Variants in CADPS2 observed in about 807,000 individuals in gnomAD.
CADPS2 encodes the protein calcium-dependent secretion activator 2.
In CADPS2, 93 loss-of-function variants were observed where a neutral mutation model predicts 172.5. The ratio of observed to expected loss-of-function variants is 0.54; its 90% confidence interval spans 0.46 to 0.64. The LOEUF (loss-of-function observed/expected upper bound fraction) is 0.64. Ranked by LOEUF, CADPS2 falls within the 30% of genes least tolerant of loss-of-function variation. CADPS2 has a pLI of 0.00. For missense variants in CADPS2, 1,420 were observed against 1,565.9 expected (o/e 0.91, Z 1.57); for synonymous variants, 546 against 555.2 (o/e 0.98, Z 0.23).
intron 7 of CADPS2, among the ~76,000 whole-genome samples, chr7:122,561,206 T>C (rs557284711): frequency 1.3e-5 from 2 of 152,270 alleles, no homozygotes; most frequent in South Asian, 4.1e-4. Flanking sequence ...ATTGAGTTCT[T>C]TTATTTTCAA....
At chr7:122,360,679 C>A (rs2040007568) in intron 27 of CADPS2, 109 bp downstream of exon 27, 1 of 940,658 alleles carries the variant, frequency 1.1e-6, no homozygotes, top group Admixed American at 2.7e-5. Flanking sequence ...ATAAACTACT[C>A]CCTAAGGGAA....
intron 7 of CADPS2, among the ~76,000 whole-genome samples, chr7:122,561,741 T>A (rs1173566204): frequency 6.6e-6 from 1 of 152,186 alleles, no homozygotes; most frequent in Non-Finnish European, 1.5e-5. Flanking sequence ...TGCATCCTGA[T>A]GTTCTGATAC....
Position 122,621,662 on chromosome 7 carries a change from T to C in CADPS2, c.923A>G (p.Glu308Gly). Residue 308 changes from glutamate to glycine, a missense_variant, in exon 5 of 30, where the codon GAG becomes GGG. Coordinates refer to ENST00000449022, the MANE Select transcript of CADPS2 (RefSeq NM_017954.11). ...AKDMENMYIE[E>G]LRSSVNLLMA... Reference sequence around the variant, plus strand: ...TAGCAAATTCACTGAAGACCGCAACTCTTCTATATACATATTCTCCATATC... The same window carrying C: ...TAGCAAATTCACTGAAGACCGCAACCCTTCTATATACATATTCTCCATATC... 1 of 1,613,580 alleles carries C rather than the reference T, an allele frequency of 6.2e-7. No individual in the cohort carries two copies. The highest frequency in any genetic ancestry group is 8.5e-7 in the Non-Finnish European group (1 of 1,179,540).
intron 8 of CADPS2, among the ~76,000 whole-genome samples, chr7:122,516,274 C>A (rs1263214272): frequency 5.3e-5 from 8 of 152,090 alleles, no homozygotes; most frequent in Non-Finnish European, 1.0e-4. Context: ...GTGGCTCATG[C>A]CTGTAGTCCC....
At chr7:122,794,764 A>C (rs1229092378) in intron 1 of CADPS2, among the ~76,000 whole-genome samples, 1 of 151,948 alleles carries the variant, frequency 6.6e-6, no homozygotes, top group African/African-American at 2.4e-5. Flanking sequence ...AAAAAAAAAA[A>C]AAACCCTTTC....
At chr7:122,829,916 T>C (rs1019827919) in intron 1 of CADPS2, among the ~76,000 whole-genome samples, 1 of 152,128 alleles carries the variant, frequency 6.6e-6, no homozygotes, top group Non-Finnish European at 1.5e-5. Flanking sequence ...TTTCCAAACA[T>C]TGTGATGTCC....
At chr7:122,649,904 T>TTTTTTTG (rs2078967128) in intron 3 of CADPS2, among the ~76,000 whole-genome samples, 1 of 116,366 alleles carries the variant, frequency 8.6e-6, no homozygotes, top group Non-Finnish European at 1.8e-5. Flanking sequence ...AATGATTTTT[T>TTTTTTTG]TTTTTTTTTT....
At chr7:122,346,227 G>T (rs2037636101) in intron 27 of CADPS2, among the ~76,000 whole-genome samples, 1 of 152,054 alleles carries the variant, frequency 6.6e-6, no homozygotes. Flanking sequence ...AAATAGCTGG[G>T]AGTGGTGTTG....
intron 19 of CADPS2, 34 bp from the exon 20 acceptor site, chr7:122,407,730 A>C: frequency 6.4e-7 from 1 of 1,569,198 alleles, no homozygotes; most frequent in Non-Finnish European, 8.7e-7. Context: ...GGAGAAAAGT[A>C]GATTACTTTT....
At chr7:122,436,426 CT>C in intron 17 of CADPS2, 1 of 1,190,074 alleles carries the variant, frequency 8.4e-7, no homozygotes, top group Non-Finnish European at 1.1e-6. Context: ...AAACTCTACC[CT>C]TGTCGTTCAT....
chr7:122,525,232 G>A (rs1236937220), intron 8 of CADPS2, among the ~76,000 whole-genome samples: 3 of 152,132 alleles, frequency 2.0e-5, no homozygotes, highest in African/African-American at 7.2e-5. Context: ...TCTTCTTCTA[G>A]TATGTTGCTC....
intron 1 of CADPS2, among the ~76,000 whole-genome samples, chr7:122,862,805 TAAATA>T (rs1481970408): frequency 1.3e-5 from 2 of 151,864 alleles, no homozygotes; most frequent in African/African-American, 4.8e-5. Flanking sequence ...CAATTCCAAA[TAAATA>T]AATACATGAT....
intron 1 of CADPS2, among the ~76,000 whole-genome samples, chr7:122,831,530 T>C (rs1370134680): frequency 6.6e-6 from 1 of 152,246 alleles, no homozygotes; most frequent in Admixed American, 6.5e-5. Context: ...AATGGGGAAG[T>C]ACTTCAATAA....
intron 4 of CADPS2, among the ~76,000 whole-genome samples, chr7:122,626,940 T>C (rs1037053156): frequency 3.9e-5 from 6 of 152,220 alleles, no homozygotes; most frequent in African/African-American, 1.4e-4. Flanking sequence ...AAAGTCAACA[T>C]GTCTCTTGAA....
intron 25 of CADPS2, among the ~76,000 whole-genome samples, chr7:122,375,466 A>G (rs2042231123): frequency 6.6e-6 from 1 of 152,200 alleles, no homozygotes; most frequent in Non-Finnish European, 1.5e-5. Context: ...GATCTTTGAC[A>G]AGAGTGTCAA....
chr7:122,771,834 C>G (rs975928373), intron 1 of CADPS2, among the ~76,000 whole-genome samples: 5 of 152,132 alleles, frequency 3.3e-5, no homozygotes. Context: ...ACAGTCCAAG[C>G]TGGAAATAAC....
Position 122,438,329 on chromosome 7 carries a change from C to A in CADPS2, c.2476+12G>T. Reference sequence around the variant, plus strand: ...TCTCACTGCCACTTCGACAATTGCTCACTGCACTGACCTTCTATTTTGGCA... The same window carrying A: ...TCTCACTGCCACTTCGACAATTGCTAACTGCACTGACCTTCTATTTTGGCA... On this transcript the variant is annotated intron_variant, in intron 17 of 29. Transcript: ENST00000449022. The A allele has an allele frequency of 6.2e-7, 1 of 1,612,576 alleles. No homozygotes were observed. The highest frequency in any genetic ancestry group is 1.1e-5 in the South Asian group (1 of 91,028).
intron 5 of CADPS2, among the ~76,000 whole-genome samples, chr7:122,619,249 C>A (rs770289283): frequency 1.8e-4 from 28 of 151,954 alleles, no homozygotes; most frequent in Non-Finnish European, 2.8e-4. Context: ...ACTTTTAGTT[C>A]TGAATGTTTA....
chr7:122,567,864 AG>A (rs1394797429), intron 7 of CADPS2, among the ~76,000 whole-genome samples: 2 of 152,304 alleles, frequency 1.3e-5, no homozygotes, highest in South Asian at 2.1e-4. Context: ...ACCTAAAAAA[AG>A]CAGAAGAGGA....
Sources: gnomAD v4.1 joint callset for allele counts (sites outside exome capture counted in the v4.1 genomes callset) on GRCh38, gnomAD v4.1.1 for gene constraint, MANE v1.5 for transcripts, NCBI Gene and HGNC (gene_info 2026-07-23, HGNC 2026-07-21) for gene names.